The following GALC variants were observed in gnomAD, a reference collection of about 807,000 sequenced individuals.
The protein encoded by GALC is galactocerebrosidase.
GALC carries 77 observed loss-of-function variants against 91.8 expected under a neutral mutation model. That is an observed-to-expected ratio of 0.84 (90% CI 0.70 to 1.01). GALC has a LOEUF of 1.01. GALC is among the 50% of genes least tolerant of loss of function. GALC has a pLI of 0.00. For missense variants in GALC, 882 were observed against 855.9 expected (o/e 1.03, Z -0.38); for synonymous variants, 357 against 306.7 (o/e 1.16, Z -1.71).
At chr14:87,954,139 ATGT>A in intron 10 of GALC, 1 of 1,607,792 alleles carries the variant, frequency 6.2e-7, no homozygotes, top group East Asian at 2.2e-5. Context: ...GTAGTTAGTG[ATGT>A]TGTACTTCAA....
In GALC at chr14:87,946,022, G is replaced by T. The variant is rs150841316; in HGVS notation, c.1490-289C>A. Among the ~76,000 whole-genome samples, 433 of 152,094 alleles carry T rather than the reference G, an allele frequency of 2.8e-3. 4 individuals are homozygous for T. The highest frequency in any genetic ancestry group is 9.9e-3 in the African/African-American group (412 of 41,524). On this transcript the variant is annotated intron_variant, in intron 13 of 16. Transcript: ENST00000261304. The stretch of plus-strand genomic sequence containing the variant: ...TGAAGTAAGACCTAGATTCAAATTC[G>T]AGTTCAGTCTGTCGCCCTGGACAAG...
chr14:87,943,663 CGAT>C (rs1884948139), intron 14 of GALC, among the ~76,000 whole-genome samples: 1 of 151,938 alleles, frequency 6.6e-6, no homozygotes, highest in African/African-American at 2.4e-5. Flanking sequence ...AAGGTGGGGA[CGAT>C]GATATCTCCA....
intron 1 of GALC, chr14:87,992,455 A>C: frequency 6.5e-7 from 1 of 1,530,174 alleles, no homozygotes; most frequent in Non-Finnish European, 8.7e-7. Context: ...GGAGGAGCCC[A>C]TTCTTACCCT....
At position 87,970,529 on chromosome 14, in the gene GALC, C is replaced by T. The variant is rs1042605767; in HGVS notation, c.753-2039G>A. 4.6e-5 allele frequency among the ~76,000 whole-genome samples: 7 copies of T among 151,924 alleles called. No individual in the cohort carries two copies. In the East Asian group the frequency reaches 1.3e-3, roughly 29 times the overall value. On this transcript the variant is annotated intron_variant, in intron 7 of 16. Transcript: ENST00000261304. ...ATGATATGAGCAAAGAAAGGCAGAA[C>T]TAATACTAAAATCTGGGTCTTTCTT... is the stretch of plus-strand genomic sequence containing the variant.
At chr14:87,987,368 C>G (rs1887019739) in intron 3 of GALC, among the ~76,000 whole-genome samples, 1 of 152,188 alleles carries the variant, frequency 6.6e-6, no homozygotes, top group African/African-American at 2.4e-5. Context: ...CCATCATTGT[C>G]AATTCTGCCT....
At chr14:87,943,115 C>A (rs1262223623) in intron 14 of GALC, among the ~76,000 whole-genome samples, 1 of 152,024 alleles carries the variant, frequency 6.6e-6, no homozygotes, top group East Asian at 1.9e-4. Context: ...GGCAATTTCA[C>A]AGATAATGAA....
intron 10 of GALC, among the ~76,000 whole-genome samples, chr14:87,962,941 C>T (rs1202510806): frequency 6.6e-6 from 1 of 152,056 alleles, no homozygotes; most frequent in Non-Finnish European, 1.5e-5. Context: ...TGCCTCTGTC[C>T]ACCTGTCAGA....
rs1354345623 is a variant in GALC, at chr14:87,934,068, A to G, written c.*664T>C. On this transcript the variant is annotated 3_prime_UTR_variant, in exon 17 of 17. Coordinates refer to ENST00000261304, the MANE Select transcript of GALC (RefSeq NM_000153.4). ...AACTTGGAATCAAAAAAATTAAATA[A>G]TGCAAATAACCCAATTAATCTGCTA... 2 of 1,529,730 alleles carry G rather than the reference A, an allele frequency of 1.3e-6. No individual in the cohort carries two copies. Among genetic ancestry groups the G allele is most frequent in the African/African-American group, 2.7e-5 (2 of 72,820 alleles). 94.8% of individuals were successfully genotyped at this position (1,529,730 alleles called of 1,614,324 possible).
chr14:87,950,598 T>C, intron 11 of GALC, 61 bp downstream of exon 11: 4 of 1,045,158 alleles, frequency 3.8e-6, no homozygotes, highest in African/African-American at 1.6e-5. Flanking sequence ...ACTACTGGCC[T>C]GTGACAGAAT....
chr14:87,955,013 CAG>C (rs1885464911), intron 10 of GALC: 1 of 1,371,794 alleles, frequency 7.3e-7, no homozygotes, highest in Admixed American at 1.7e-5. Flanking sequence ...GTTACTTCCT[CAG>C]AGATCACCTA....
At chr14:87,993,287 C>G (rs1229226116), upstream of GALC, 1 of 1,538,938 alleles carries the variant, frequency 6.5e-7, no homozygotes, top group South Asian at 1.2e-5. Flanking sequence ...TCAAGGGCCT[C>G]TGACGCAGCT....
chr14:87,985,704 A>C (rs1158351189), intron 4 of GALC, among the ~76,000 whole-genome samples: 6 of 152,242 alleles, frequency 3.9e-5, no homozygotes, highest in Admixed American at 3.3e-4. Context: ...CATTAATTTC[A>C]TTTAACTTAG....
At position 87,963,483 on chromosome 14, in the gene GALC, G is replaced by T; in HGVS notation, c.1062C>A (p.Gly354=). Residue 354 remains glycine (G), a synonymous_variant, in exon 10 of 17, where the codon GGC becomes GGA. Transcript: ENST00000261304. ...SAHTTQFTQP[G]WYYLKTVGHL... ...GGCCAACTGTCTTCAGGTAATACCAGCCAGGTTGAGTAAACTGAGTGGTAT... is the reference window on the plus strand; with the variant it reads ...GGCCAACTGTCTTCAGGTAATACCATCCAGGTTGAGTAAACTGAGTGGTAT... 1 of 1,612,742 alleles carries T rather than the reference G, an allele frequency of 6.2e-7. No homozygotes were observed. The highest frequency in any genetic ancestry group is 8.5e-7 in the Non-Finnish European group (1 of 1,179,070).
intron 3 of GALC, chr14:87,987,150 G>C (rs1887010470): frequency 1.4e-5 from 6 of 424,756 alleles, no homozygotes; most frequent in Middle Eastern, 5.5e-4. Context: ...TCTGCAGTTA[G>C]TAGAGGTTAC....
chr14:87,970,601 A>G (rs530017194), intron 7 of GALC, among the ~76,000 whole-genome samples: 1 of 152,078 alleles, frequency 6.6e-6, no homozygotes, highest in South Asian at 2.1e-4. Flanking sequence ...AGGCTCTTTA[A>G]GAATATAAAT....
rs1884840021 is a variant in GALC, at chr14:87,941,350, T to C, written c.1834+45A>G. 4.2e-6 allele frequency: 5 copies of C among 1,200,160 alleles called. No individual in the cohort carries two copies. In the South Asian group the frequency reaches 5.1e-5, roughly 12 times the overall value. 74.3% of individuals were successfully genotyped at this position (1,200,160 alleles called of 1,614,324 possible). A position where few individuals can be genotyped will look rare whatever the true frequency, so the allele number is the denominator to read the frequency against. ...TAACAAGTAGGTGCTCAAAGTAACA[T>C]AGCCCATAAGTCATATGCTATTAAA... On this transcript the variant is annotated intron_variant, in intron 15 of 16. Coordinates refer to ENST00000261304, the MANE Select transcript of GALC (RefSeq NM_000153.4).
intron 6 of GALC, among the ~76,000 whole-genome samples, chr14:87,978,554 G>A (rs777393338): frequency 2.0e-5 from 3 of 152,042 alleles, no homozygotes; most frequent in Non-Finnish European, 4.4e-5. Flanking sequence ...AAGTCATTAC[G>A]AACAGCATTC....
chr14:87,945,986 G>C (rs1885056653), intron 13 of GALC, among the ~76,000 whole-genome samples: 1 of 151,974 alleles, frequency 6.6e-6, no homozygotes, highest in Non-Finnish European at 1.5e-5. Context: ...TAGAGGAAAG[G>C]TCATGAGTTT....
At chr14:87,952,475 G>T in intron 10 of GALC, 1 of 562,172 alleles carries the variant, frequency 1.8e-6, no homozygotes, top group Non-Finnish European at 3.3e-6. Flanking sequence ...ATAGGCATAA[G>T]CTAAACCACA....
Sources: gnomAD v4.1 joint callset for allele counts (sites outside exome capture counted in the v4.1 genomes callset) on GRCh38, gnomAD v4.1.1 for gene constraint, MANE v1.5 for transcripts, NCBI Gene and HGNC (gene_info 2026-07-23, HGNC 2026-07-21) for gene names.